Variants in PACRGL observed in about 807,000 individuals in gnomAD.
PACRGL encodes the protein parkin coregulated like.
A neutral mutation model predicts 34.5 loss-of-function variants in PACRGL; 38 were observed. That is an observed-to-expected ratio of 1.10 (90% CI 0.85 to 1.44). The LOEUF (loss-of-function observed/expected upper bound fraction) is 1.44, where lower values mean the gene tolerates loss of function less well. Among genes scored for constraint, PACRGL ranks in the 40% most tolerant of loss-of-function variants. The pLI, the probability that PACRGL is intolerant of heterozygous loss-of-function variation, is 0.00. For missense variants in PACRGL, 305 were observed against 281.4 expected, an observed-to-expected ratio of 1.08 and a Z score of -0.60; for synonymous variants, 128 against 100.1, an observed-to-expected ratio of 1.28 and a Z score of -1.66.
In PACRGL at chr4:20,716,625, T is replaced by A. The variant is rs544603722; in HGVS notation, c.609+3086T>A. ...TGAGCTAGTTTGCTGAGAATAATGG[T>A]TTCCAGCTTCATCCGTGTCCCTACA... is the stretch of plus-strand genomic sequence containing the variant. On this transcript the variant is annotated intron_variant, in intron 7 of 8. Transcript: ENST00000503585. 6.6e-5 allele frequency among the ~76,000 whole-genome samples: 10 copies of A among 152,312 alleles called. 1 individual carries two copies. The South Asian group carries it at 2.1e-3, about 32-fold the overall frequency.
In PACRGL at chr4:20,724,883, G is replaced by C. The variant is rs1744962708; in HGVS notation, c.685G>C (p.Gly229Arg). 1 of 1,471,484 alleles carries C rather than the reference G, an allele frequency of 6.8e-7. No homozygotes were observed. The highest frequency in any genetic ancestry group is 1.4e-5 in the South Asian group (1 of 72,820). 91.2% of individuals were successfully genotyped at this position (1,471,484 alleles called of 1,614,324 possible). Residue 229 changes from glycine to arginine, a missense_variant, in exon 8 of 9, where the codon GGA becomes CGA. Gly to Arg is a moderately radical substitution (Grantham distance 125, BLOSUM62 -2). Coordinates refer to ENST00000503585, the MANE Select transcript of PACRGL (RefSeq NM_001258345.3). ...SALQKLEQHG[G>R]SGSLSIIKSK... ...ATTACAAAAGCTAGAGCAACATGGT[G>C]GAAGTGTAAGTAGAATATTATTCCT...
At chr4:20,765,632 G>A in the PACRGL span, among the ~76,000 whole-genome samples, 1 of 152,168 alleles carries the variant, frequency 6.6e-6, no homozygotes, top group African/African-American at 2.4e-5. Flanking sequence ...CCAGTCAAAT[G>A]AACTGCTCCA....
intron 8 of PACRGL, among the ~76,000 whole-genome samples, chr4:20,725,387 GCA>G (rs1578340953): frequency 6.6e-6 from 1 of 150,828 alleles, no homozygotes. Context: ...GGACACATAT[GCA>G]CACACAGTGC....
At chr4:20,710,538 A>T (rs28524474) in intron 5 of PACRGL, among the ~76,000 whole-genome samples, 3 of 151,860 alleles carry the variant, frequency 2.0e-5, no homozygotes, top group South Asian at 2.1e-4. Flanking sequence ...AAAGCACCTG[A>T]GTTCTTTCAC....
In PACRGL at chr4:20,731,468, A is replaced by G; in HGVS notation, c.*4127A>G. The G allele has an allele frequency of 3.0e-6, 3 of 985,256 alleles. No individual in the cohort carries two copies. Among genetic ancestry groups the G allele is most frequent in the Non-Finnish European group, 3.6e-6 (3 of 829,794 alleles). The allele number at this position is 985,256 out of a possible 1,614,324, so 61.0% of individuals were successfully genotyped here. A position where few individuals can be genotyped will look rare whatever the true frequency, so the allele number is the denominator to read the frequency against. On this transcript the variant is annotated 3_prime_UTR_variant, in exon 9 of 9. Coordinates refer to ENST00000503585, the MANE Select transcript of PACRGL (RefSeq NM_001258345.3). ...TCTTTGATAACAGGCTACTACCTGG[A>G]GTTCTCTTCAGAGAAAATTTTCCAC...
downstream of PACRGL, among the ~76,000 whole-genome samples, chr4:20,737,344 C>G (rs1749861376): frequency 6.6e-6 from 1 of 152,140 alleles, no homozygotes; most frequent in Admixed American, 6.5e-5. Flanking sequence ...TGGAGGTCAC[C>G]AGCAAGTGAT....
chr4:20,714,341 C>G (rs533222742), intron 7 of PACRGL, among the ~76,000 whole-genome samples: 260 of 151,808 alleles, frequency 1.7e-3, no homozygotes, highest in Non-Finnish European at 3.0e-3. Flanking sequence ...TTTTGTTTTC[C>G]ATTTGCTTGG....
chr4:20,712,324 C>G (rs1308734546), intron 5 of PACRGL, among the ~76,000 whole-genome samples: 2 of 150,658 alleles, frequency 1.3e-5, no homozygotes, highest in Non-Finnish European at 3.0e-5. Context: ...TACAGTTGGC[C>G]CTTCCCATCC....
intron 6 of PACRGL, chr4:20,713,147 T>C (rs1738103763): frequency 3.7e-6 from 2 of 544,910 alleles, no homozygotes; most frequent in South Asian, 6.5e-5. Flanking sequence ...AAAAGGGACA[T>C]TTTAAGTAAT....
chr4:20,732,553 C>G lies in PACRGL; in HGVS notation c.*5212C>G, dbSNP rs6811933. ...CCAAAGCTATTAAATTAATAGGATG[C>G]TAAATACTGTTTTGTTTCAGTAAAA... is the stretch of plus-strand genomic sequence containing the variant. On this transcript the variant is annotated 3_prime_UTR_variant, in exon 9 of 9. Transcript: ENST00000503585. 328,815 of 681,296 alleles carry G rather than the reference C, an allele frequency of 0.48. 82,739 individuals carry two copies. The highest frequency in any genetic ancestry group is 0.63 in the African/African-American group (34,793 of 54,944). 42.2% of individuals were successfully genotyped at this position (681,296 alleles called of 1,614,324 possible).
chr4:20,764,270 CG>C, the PACRGL span, among the ~76,000 whole-genome samples: 2 of 151,902 alleles, frequency 1.3e-5, no homozygotes, highest in East Asian at 3.9e-4. Flanking sequence ...GCATATATAC[CG>C]TAGAAATAAA....
intron 1 of PACRGL, chr4:20,702,633 C>G (rs1732693744): frequency 8.9e-6 from 1 of 111,790 alleles, no homozygotes; most frequent in African/African-American, 3.9e-5. Flanking sequence ...GAAACTGATG[C>G]ATTTTTTTTT....
intron 8 of PACRGL, among the ~76,000 whole-genome samples, chr4:20,741,950 G>A (rs114996784): frequency 0.21 from 32,243 of 152,054 alleles, 3,752 homozygotes; most frequent in East Asian, 0.45. Context: ...ACCTCTATGC[G>A]AATAAACTAG....
At chr4:20,759,120 G>T in the PACRGL span, among the ~76,000 whole-genome samples, 1 of 152,096 alleles carries the variant, frequency 6.6e-6, no homozygotes, top group African/African-American at 2.4e-5. Flanking sequence ...TATCAAAGTA[G>T]GTGTAATGTA....
At chr4:20,748,626 T>C (rs1752956148) in intron 8 of PACRGL, among the ~76,000 whole-genome samples, 1 of 142,082 alleles carries the variant, frequency 7.0e-6, no homozygotes, top group Non-Finnish European at 1.5e-5. Context: ...AATATAAATG[T>C]ATATATGGAA....
intron 5 of PACRGL, among the ~76,000 whole-genome samples, chr4:20,710,058 T>C (rs1197877153): frequency 6.6e-6 from 1 of 152,192 alleles, no homozygotes; most frequent in East Asian, 1.9e-4. Context: ...GGACTCATAA[T>C]GAGGAGAGAT....
rs926833954 is a variant in PACRGL at position 20,700,531 on chromosome 4, C to G, written c.-273C>G. The G allele has an allele frequency of 6.6e-6, 1 of 152,136 alleles. No individual in the cohort carries two copies. Among genetic ancestry groups the G allele is most frequent in the African/African-American group, 2.4e-5 (1 of 41,444 alleles). 9.4% of individuals were successfully genotyped at this position (152,136 alleles called of 1,614,324 possible). ...GACCGAGTGCCGGTCATAAGCCCCC[C>G]CCGGTGGGGGGCAGCTGGTGTGCGG... On this transcript the variant is annotated 5_prime_UTR_variant, in exon 1 of 9. Transcript: ENST00000503585.
intron 8 of PACRGL, among the ~76,000 whole-genome samples, chr4:20,739,862 T>C (rs771350867): frequency 1.3e-4 from 20 of 152,132 alleles, no homozygotes; most frequent in Non-Finnish European, 2.5e-4. Flanking sequence ...ATTAGACGAA[T>C]GGCTGACTAG....
chr4:20,747,292 A>G (rs1379540012), intron 8 of PACRGL, among the ~76,000 whole-genome samples: 3 of 152,200 alleles, frequency 2.0e-5, no homozygotes, highest in African/African-American at 4.8e-5. Flanking sequence ...TGGAGTCACT[A>G]ATAGTTTTTG....
Sources: gnomAD v4.1 joint callset for allele counts (sites outside exome capture counted in the v4.1 genomes callset) on GRCh38, gnomAD v4.1.1 for gene constraint, MANE v1.5 for transcripts, NCBI Gene and HGNC (gene_info 2026-07-23, HGNC 2026-07-21) for gene names.